PLIN2: variants seen among roughly 807,000 people sequenced by gnomAD.
PLIN2 encodes the protein perilipin 2.
Under a neutral mutation model 30.6 loss-of-function variants are expected in PLIN2, and 33 were observed. The observed-to-expected ratio is 1.08, with a 90% CI of 0.82 to 1.44. PLIN2 has a LOEUF of 1.44. PLIN2 is among the 40% of genes most tolerant of loss of function. PLIN2 has a pLI of 0.00. For missense variants in PLIN2, 610 were observed against 531.8 expected, an observed-to-expected ratio of 1.15 and a Z score of -1.45; for synonymous variants, 205 against 201.1, an observed-to-expected ratio of 1.02 and a Z score of -0.16.
At chr9:19,124,297 C>G (rs190267287) in intron 3 of PLIN2, among the ~76,000 whole-genome samples, 109 of 152,224 alleles carry the variant, frequency 7.2e-4, no homozygotes, top group Middle Eastern at 3.4e-3. Context: ...TCTGGAAACT[C>G]TCTCAAAATC....
rs555062003 is a variant in PLIN2, at chr9:19,118,419, G to T, written c.814C>A (p.Gln272Lys). The T allele has an allele frequency of 6.2e-7, 1 of 1,613,684 alleles. No homozygotes were observed. Among genetic ancestry groups the T allele is most frequent in the Non-Finnish European group, 8.5e-7 (1 of 1,179,732 alleles). ...TTATCCTGAGCATCCTGAATTTTCT[G>T]ATTGGCACTATACACATTCTTCCTG... ...FARKNVYSAN[Q>K]KIQDAQDKLY... is the part of the protein sequence containing the mutation. Residue 272 changes from glutamine (Q) to lysine (K), a missense_variant, in exon 7 of 8, where the codon CAG becomes AAG. By Grantham distance (53) the Gln-to-Lys change is moderately conservative. Coordinates refer to ENST00000276914, the MANE Select transcript of PLIN2 (RefSeq NM_001122.4).
intron 1 of PLIN2, among the ~76,000 whole-genome samples, chr9:19,126,967 G>A (rs1272549837): frequency 6.6e-6 from 1 of 152,060 alleles, no homozygotes; most frequent in African/African-American, 2.4e-5. Flanking sequence ...GCTTGAACCC[G>A]GGAGGCGGAG....
intron 4 of PLIN2, chr9:19,123,186 A>G (rs1432274039): frequency 1.6e-6 from 1 of 629,714 alleles, no homozygotes; most frequent in Non-Finnish European, 2.7e-6. Flanking sequence ...TAGCTATCCC[A>G]TATGGATGGT....
chr9:19,121,507 A>C (rs914596657), intron 4 of PLIN2, among the ~76,000 whole-genome samples: 2 of 150,408 alleles, frequency 1.3e-5, no homozygotes, highest in African/African-American at 2.5e-5. Context: ...AAAAAAAAAA[A>C]AGAGAAGAGA....
chr9:19,113,504 C>T (rs545812264), downstream of PLIN2, among the ~76,000 whole-genome samples: 1 of 152,056 alleles, frequency 6.6e-6, no homozygotes, highest in African/African-American at 2.4e-5. Flanking sequence ...TTCCCACCTA[C>T]TCTCCAACTC....
chr9:19,110,062 C>T (rs1018429030), intron 2 of PLIN2, among the ~76,000 whole-genome samples: 3 of 152,008 alleles, frequency 2.0e-5, no homozygotes, highest in African/African-American at 7.2e-5. Context: ...TTCACTCTCT[C>T]CCCCAGGTTG....
At chr9:19,126,006 A>C in intron 3 of PLIN2, 108 bp downstream of exon 3, 1 of 789,062 alleles carries the variant, frequency 1.3e-6, no homozygotes. Context: ...AGGTAAAGGC[A>C]GTGTATGCCC....
intron 5 of PLIN2, among the ~76,000 whole-genome samples, chr9:19,120,607 G>C (rs1345509212): frequency 6.6e-6 from 1 of 152,176 alleles, no homozygotes; most frequent in African/African-American, 2.4e-5. Context: ...AACTTTGGGA[G>C]GTCAAGGCAG....
Position 19,126,297 on chromosome 9 carries a change from G to T in PLIN2, c.43C>A (p.Arg15=). ...AVDPQPSVVT[R]VVNLPLVSST... ...CTCACCAAGGGCAGGTTGACCACCC[G>T]AGTCACCACACTCTGCAATCAAAGT... Residue 15 remains arginine (R), a synonymous_variant, in exon 3 of 8, where the codon CGG becomes AGG. Coordinates refer to ENST00000276914, the MANE Select transcript of PLIN2 (RefSeq NM_001122.4). 3 of 1,613,854 alleles carry T rather than the reference G, an allele frequency of 1.9e-6. No homozygotes were observed. The highest frequency in any genetic ancestry group is 3.3e-4 in the Middle Eastern group (2 of 6,060).
intron 5 of PLIN2, among the ~76,000 whole-genome samples, chr9:19,120,258 C>G (rs1444614313): frequency 6.6e-6 from 1 of 151,924 alleles, no homozygotes; most frequent in Non-Finnish European, 1.5e-5. Context: ...GCCATGTTGC[C>G]CAGGCTAATC....
Position 19,116,515 on chromosome 9 carries a change from C to A in PLIN2, c.1047G>T (p.Met349Ile). ...IQDQAKHMGV[M>I]AGDIYSVFRN... ...GGAACACTGAGTAGATGTCGCCTGC[C>A]ATCACCCCCATGTGCTTGGCTTGAT... The change falls in exon 8 of 8, where the codon ATG (methionine) becomes ATT (isoleucine). Residue 349 changes from methionine to isoleucine, a missense_variant. Met to Ile is a conservative substitution (Grantham distance 10). Transcript: ENST00000276914. 1.2e-6 allele frequency: 2 copies of A among 1,614,182 alleles called. No homozygotes were observed. The highest frequency in any genetic ancestry group is 1.7e-6 in the Non-Finnish European group (2 of 1,180,022).
Position 19,119,720 on chromosome 9 carries a change from A to G in PLIN2, c.707T>C (p.Leu236Pro). The part of the protein sequence containing the change: ...KLHSRAYQQA[L>P]SRVKEAKQKS... ...TTGCTTAGCTTCTTTAACCCTGCTG[A>G]GAGCCTGCTGGTAGGCACGGGAGTG... The change falls in exon 6 of 8, where the codon CTC (leucine) becomes CCC (proline). Residue 236 changes from leucine (L) to proline (P), a missense_variant. Coordinates refer to ENST00000276914, the MANE Select transcript of PLIN2 (RefSeq NM_001122.4). 1 of 1,612,850 alleles carries G rather than the reference A, an allele frequency of 6.2e-7. No homozygotes were observed. Among genetic ancestry groups the G allele is most frequent in the Non-Finnish European group, 8.5e-7 (1 of 1,179,076 alleles).
chr9:19,117,584 C>G (rs772548834), intron 7 of PLIN2, among the ~76,000 whole-genome samples: 1 of 151,708 alleles, frequency 6.6e-6, no homozygotes, highest in African/African-American at 2.4e-5. Flanking sequence ...ACTACCCCCA[C>G]TCCAAGGCTG....
intron 4 of PLIN2, among the ~76,000 whole-genome samples, chr9:19,122,458 G>A (rs1818333592): frequency 6.6e-6 from 1 of 151,426 alleles, no homozygotes; most frequent in Admixed American, 6.6e-5. Flanking sequence ...GTGCAGGTTT[G>A]TAGCCTAGAA....
At chr9:19,122,108 CAAAAAAAAAAAAAAAA>C (rs59357707) in intron 4 of PLIN2, among the ~76,000 whole-genome samples, 2 of 63,308 alleles carry the variant, frequency 3.2e-5, no homozygotes, top group Admixed American at 4.7e-4. Context: ...GACTCTGTCT[CAAAAAAAAAAAAAAAA>C]AAAAAAAAAA....
chr9:19,125,925 A>C (rs1818389083), intron 3 of PLIN2, 189 bp downstream of exon 3: 1 of 453,810 alleles, frequency 2.2e-6, no homozygotes. Flanking sequence ...TCCATCTCAA[A>C]AAAAAAAAAA....
chr9:19,119,144 G>A (rs1588644127), intron 6 of PLIN2, among the ~76,000 whole-genome samples: 1 of 152,196 alleles, frequency 6.6e-6, no homozygotes, highest in African/African-American at 2.4e-5. Context: ...GGTACATACT[G>A]TTCTTTAACT....
intron 6 of PLIN2, among the ~76,000 whole-genome samples, chr9:19,119,079 C>G (rs1434981484): frequency 6.6e-6 from 1 of 152,192 alleles, no homozygotes; most frequent in Non-Finnish European, 1.5e-5. Context: ...TTCCCTGTTG[C>G]CAACCACTAT....
intron 7 of PLIN2, 140 bp from the exon 8 acceptor site, chr9:19,116,789 G>A (rs183313042): frequency 6.1e-6 from 4 of 655,520 alleles, no homozygotes; most frequent in Middle Eastern, 4.1e-4. Context: ...GCCGAGTGCA[G>A]CAGTATTATT....
Sources: allele counts gnomAD v4.1 joint callset (sites outside exome capture counted in the v4.1 genomes callset), GRCh38; gene constraint gnomAD v4.1.1; transcripts MANE v1.5; gene names NCBI Gene and HGNC (gene_info 2026-07-23, HGNC 2026-07-21).